TDRD12: variants seen among roughly 807,000 people sequenced by gnomAD.
The protein encoded by TDRD12 is tudor domain containing 12.
Under a neutral mutation model 133.5 loss-of-function variants are expected in TDRD12, and 158 were observed. The ratio of observed to expected loss-of-function variants is 1.18; its 90% confidence interval spans 1.04 to 1.35. The LOEUF (loss-of-function observed/expected upper bound fraction) is 1.35, where lower values mean the gene tolerates loss of function less well. Among genes scored for constraint, TDRD12 ranks in the 40% most tolerant of loss-of-function variants. The probability of loss-of-function intolerance (pLI) is 0.00; values close to 1 mark genes in which losing one functional copy is unlikely to be tolerated. For synonymous variants in TDRD12, 460 were observed against 477.9 expected (o/e 0.96, Z 0.49); for missense variants, 1,443 against 1,321.3 (o/e 1.09, Z -1.43).
In TDRD12 at chr19:32,736,365, A is replaced by G. The variant is rs1467488671; in HGVS notation, c.184-2491A>G. Reference sequence around the variant, plus strand: ...CAGGAGTTTGAGTCCAGCCTAGGCAATGTAGTGATGAGACCCTGTCTCTAA... The same window carrying G: ...CAGGAGTTTGAGTCCAGCCTAGGCAGTGTAGTGATGAGACCCTGTCTCTAA... On this transcript the variant is annotated intron_variant, in intron 2 of 27. Transcript: ENST00000444215. Among the ~76,000 whole-genome samples, 3 of 152,342 alleles carry G rather than the reference A, an allele frequency of 2.0e-5. No homozygotes were observed. In the East Asian group the frequency reaches 5.8e-4, roughly 29 times the overall value.
intron 4 of TDRD12, among the ~76,000 whole-genome samples, chr19:32,743,557 T>G (rs1409781733): frequency 6.6e-6 from 1 of 151,966 alleles, no homozygotes; most frequent in Admixed American, 6.6e-5. Context: ...CCATGGAGCA[T>G]TATAAAAGAG....
At chr19:32,783,404 T>C (rs1397467127) in intron 11 of TDRD12, among the ~76,000 whole-genome samples, 1 of 152,202 alleles carries the variant, frequency 6.6e-6, no homozygotes, top group African/African-American at 2.4e-5. Context: ...GCGTGATGCC[T>C]CCAGCTTTGT....
chr19:32,752,792 T>A (rs1969870466), intron 6 of TDRD12, among the ~76,000 whole-genome samples: 1 of 138,642 alleles, frequency 7.2e-6, no homozygotes, highest in Non-Finnish European at 1.5e-5. Context: ...ACTTCTTCCT[T>A]TTTTTTTTTT....
At chr19:32,737,503 C>T (rs1454596028) in intron 2 of TDRD12, among the ~76,000 whole-genome samples, 3 of 151,852 alleles carry the variant, frequency 2.0e-5, no homozygotes, top group Admixed American at 2.0e-4. Flanking sequence ...CCATGCCTGG[C>T]CCAGGTAGTT....
chr19:32,755,048 T>G (rs1478556267), intron 6 of TDRD12, among the ~76,000 whole-genome samples: 3 of 152,200 alleles, frequency 2.0e-5, no homozygotes, highest in Non-Finnish European at 2.9e-5. Context: ...AGGTGTTTTC[T>G]TTTTTGGTCT....
chr19:32,757,176 AT>A (rs754456235), intron 8 of TDRD12, 46 bp downstream of exon 8: 220 of 1,429,154 alleles, frequency 1.5e-4, no homozygotes, highest in Non-Finnish European at 1.9e-4. Flanking sequence ...CATGAAAAAA[AT>A]ATTCTTAGCT....
intron 8 of TDRD12, among the ~76,000 whole-genome samples, chr19:32,758,836 G>C (rs1442480352): frequency 6.6e-6 from 1 of 150,778 alleles, no homozygotes; most frequent in Non-Finnish European, 1.5e-5. Flanking sequence ...TCGGGAGGCT[G>C]AGGCAGGAGA....
At chr19:32,816,272 C>T (rs555852959) in intron 26 of TDRD12, among the ~76,000 whole-genome samples, 1 of 152,278 alleles carries the variant, frequency 6.6e-6, no homozygotes, top group Non-Finnish European at 1.5e-5. Flanking sequence ...GTGTAACCAG[C>T]CCAGATCAAG....
At chr19:32,721,852 CGG>C (rs1968690503) in intron 1 of TDRD12, among the ~76,000 whole-genome samples, 1 of 151,258 alleles carries the variant, frequency 6.6e-6, no homozygotes, top group African/African-American at 2.4e-5. Flanking sequence ...GGACTACAGG[CGG>C]CCACCACCAC....
chr19:32,743,685 C>G (rs1387267931), intron 4 of TDRD12, among the ~76,000 whole-genome samples: 3 of 152,046 alleles, frequency 2.0e-5, no homozygotes, highest in African/African-American at 7.2e-5. Flanking sequence ...CTATGTGGAG[C>G]TTTTAACGAA....
chr19:32,740,297 G>GT (rs1969379832), intron 3 of TDRD12, among the ~76,000 whole-genome samples: 1 of 98,576 alleles, frequency 1.0e-5, no homozygotes, highest in East Asian at 3.8e-4. Flanking sequence ...GCATCTCCTG[G>GT]GCACTCTCTG....
At chr19:32,811,567 G>A (rs929964156) in intron 24 of TDRD12, 147 bp downstream of exon 24, 8 of 748,412 alleles carry the variant, frequency 1.1e-5, no homozygotes, top group Admixed American at 6.5e-5. Context: ...GTGTGTGAAC[G>A]TCCCAGCTGA....
chr19:32,774,772 C>G (rs1970533625), intron 10 of TDRD12, among the ~76,000 whole-genome samples: 1 of 152,136 alleles, frequency 6.6e-6, no homozygotes, highest in Non-Finnish European at 1.5e-5. Context: ...CACCCGAGGT[C>G]AGGAGTTCAA....
chr19:32,741,885 A>C (rs1023826208), intron 3 of TDRD12, among the ~76,000 whole-genome samples: 3 of 152,184 alleles, frequency 2.0e-5, no homozygotes, highest in African/African-American at 7.2e-5. Flanking sequence ...TGGACCCTAC[A>C]AAGAAAAAAA....
intron 19 of TDRD12, among the ~76,000 whole-genome samples, chr19:32,802,212 TATATGATAGTGATCATATATATGATAGTG>T (rs1204023854): frequency 5.6e-5 from 8 of 141,940 alleles, no homozygotes; most frequent in South Asian, 2.1e-4. Flanking sequence ...AGTGATCATA[TATATGATAGTGATCATATATATGATAGTG>T]ATATATATGA....
At chr19:32,759,019 A>G (rs1678145080) in intron 8 of TDRD12, among the ~76,000 whole-genome samples, 1 of 151,758 alleles carries the variant, frequency 6.6e-6, no homozygotes, top group South Asian at 2.1e-4. Context: ...ACACAGGTGG[A>G]TCACCTGAGA....
At chr19:32,720,231 C>T (rs1968586464) in intron 1 of TDRD12, 135 bp downstream of exon 1, 5 of 861,940 alleles carry the variant, frequency 5.8e-6, no homozygotes, top group Admixed American at 2.3e-5. Context: ...CAGCCTCCCA[C>T]CCCCGACCCC....
In TDRD12 at chr19:32,808,699, G is replaced by A. The variant is rs180845925; in HGVS notation, c.2652+1051G>A. ...GAGAGTCACCACCCAACCCACTACG[G>A]TTTTCATTATTGAATTTTTAAAAAA... On this transcript the variant is annotated intron_variant, in intron 22 of 27. Transcript: ENST00000444215. Among the ~76,000 whole-genome samples the A allele has an allele frequency of 6.7e-4, 102 of 152,218 alleles. 2 individuals are homozygous for A. The highest frequency in any genetic ancestry group is 1.0e-3 in the Admixed American group (16 of 15,304).
intron 25 of TDRD12, among the ~76,000 whole-genome samples, chr19:32,814,421 G>A (rs1206563731): frequency 6.6e-6 from 1 of 152,144 alleles, no homozygotes; most frequent in Admixed American, 6.5e-5. Flanking sequence ...AAAAACTTTT[G>A]CTGAATGTTA....
Sources: gnomAD v4.1 joint callset for allele counts (sites outside exome capture counted in the v4.1 genomes callset) on GRCh38, gnomAD v4.1.1 for gene constraint, MANE v1.5 for transcripts, NCBI Gene and HGNC (gene_info 2026-07-23, HGNC 2026-07-21) for gene names.